Variants in PAPPA2 observed in about 807,000 individuals in gnomAD.
PAPPA2 encodes pappalysin-2.
A neutral mutation model predicts 176.4 loss-of-function variants in PAPPA2; 86 were observed. The ratio of observed to expected loss-of-function variants is 0.49; its 90% CI spans 0.41 to 0.58. PAPPA2 has a LOEUF of 0.58. Among genes scored for constraint, PAPPA2 ranks in the 20% least tolerant of loss-of-function variants. The pLI is 0.00. For missense variants in PAPPA2, 2,073 were observed against 2,256.9 expected (o/e 0.92, Z 1.65); for synonymous variants, 809 against 852.2 (o/e 0.95, Z 0.88).
chr1:176,794,789 G>A (rs1665352456), intron 20 of PAPPA2, among the ~76,000 whole-genome samples: 1 of 55,506 alleles, frequency 1.8e-5, no homozygotes, highest in Non-Finnish European at 3.6e-5. Flanking sequence ...CATGCTGGAT[G>A]TGAGAGATGT....
chr1:176,787,920 T>C (rs59627094), intron 17 of PAPPA2, among the ~76,000 whole-genome samples: 62,747 of 151,614 alleles, frequency 0.41, 14,371 homozygotes, highest in African/African-American at 0.6. Context: ...ATTAGCCAGG[T>C]GTGGTGGCAC....
At chr1:176,816,431 A>G (rs1666408790) in intron 21 of PAPPA2, among the ~76,000 whole-genome samples, 1 of 150,794 alleles carries the variant, frequency 6.6e-6, no homozygotes, top group Admixed American at 6.6e-5. Context: ...TTTTGCCTTT[A>G]GAGGTACCAG....
At chr1:176,802,353 A>T (rs1418365955) in intron 21 of PAPPA2, among the ~76,000 whole-genome samples, 1 of 152,212 alleles carries the variant, frequency 6.6e-6, no homozygotes, top group Non-Finnish European at 1.5e-5. Flanking sequence ...GTAATAAAAA[A>T]TGCAAAGAGG....
chr1:176,735,851 T>C (rs1251123384), intron 12 of PAPPA2, among the ~76,000 whole-genome samples: 2 of 152,078 alleles, frequency 1.3e-5, no homozygotes, highest in African/African-American at 4.8e-5. Flanking sequence ...GCAATCCCTC[T>C]ATCATGATAC....
At chr1:176,656,358 T>G (rs528313410) in intron 3 of PAPPA2, among the ~76,000 whole-genome samples, 16 of 151,906 alleles carry the variant, frequency 1.1e-4, no homozygotes, top group Non-Finnish European at 2.1e-4. Context: ...CTGCTGCCAC[T>G]GGTAGGCAGC....
At chr1:176,587,221 T>C (rs1653371671) in intron 2 of PAPPA2, among the ~76,000 whole-genome samples, 1 of 152,158 alleles carries the variant, frequency 6.6e-6, no homozygotes. Flanking sequence ...TGCAAAAATT[T>C]TCAACCATTT....
intron 1 of PAPPA2, among the ~76,000 whole-genome samples, chr1:176,532,037 G>A (rs894562967): frequency 1.3e-5 from 2 of 152,134 alleles, no homozygotes; most frequent in African/African-American, 4.8e-5. Flanking sequence ...CTCTCACTCC[G>A]AGGTTTTTCA....
At chr1:176,838,419 T>C (rs1039730107) in intron 21 of PAPPA2, among the ~76,000 whole-genome samples, 3 of 152,306 alleles carry the variant, frequency 2.0e-5, no homozygotes, top group Admixed American at 6.5e-5. Context: ...AGGAACTTAC[T>C]AGGTTTTGCC....
At chr1:176,717,414 C>T (rs1047427958) in intron 12 of PAPPA2, among the ~76,000 whole-genome samples, 3 of 152,206 alleles carry the variant, frequency 2.0e-5, no homozygotes, top group African/African-American at 7.2e-5. Context: ...CTCCTTGCCC[C>T]TTTTCCAGAA....
intron 12 of PAPPA2, among the ~76,000 whole-genome samples, chr1:176,733,653 C>G (rs1049762972): frequency 9.2e-5 from 14 of 152,124 alleles, no homozygotes; most frequent in African/African-American, 3.4e-4. Flanking sequence ...CCTTTCTTTG[C>G]TTATGCATTC....
intron 12 of PAPPA2, among the ~76,000 whole-genome samples, chr1:176,723,926 G>A (rs1278334927): frequency 6.6e-6 from 1 of 152,074 alleles, no homozygotes; most frequent in Admixed American, 6.6e-5. Flanking sequence ...TGTGAGTTTG[G>A]CAAGGTAGGT....
At chr1:176,741,406 A>C (rs1408053061) in intron 14 of PAPPA2, among the ~76,000 whole-genome samples, 4 of 152,186 alleles carry the variant, frequency 2.6e-5, no homozygotes, top group Admixed American at 1.3e-4. Flanking sequence ...GCCTCTCCGC[A>C]GCTATCTGAG....
intron 21 of PAPPA2, among the ~76,000 whole-genome samples, chr1:176,809,119 A>C (rs779086979): frequency 6.6e-6 from 1 of 152,202 alleles, no homozygotes; most frequent in Non-Finnish European, 1.5e-5. Context: ...ATATGGTTAC[A>C]CATTTGCTTC....
chr1:176,623,908 A>G (rs1214661538), intron 3 of PAPPA2, among the ~76,000 whole-genome samples: 3 of 150,478 alleles, frequency 2.0e-5, no homozygotes, highest in African/African-American at 7.4e-5. Flanking sequence ...TGGTGTGAAC[A>G]CAGCTCACTA....
intron 12 of PAPPA2, among the ~76,000 whole-genome samples, chr1:176,716,616 T>TG (rs1304982373): frequency 4.6e-4 from 67 of 144,986 alleles, no homozygotes; most frequent in African/African-American, 1.5e-3. Context: ...TTTTTTTTTT[T>TG]TTTTTTGTTT....
intron 2 of PAPPA2, among the ~76,000 whole-genome samples, chr1:176,564,365 T>C (rs942998853): frequency 6.6e-6 from 1 of 152,208 alleles, no homozygotes; most frequent in Non-Finnish European, 1.5e-5. Flanking sequence ...GCAGTCTCTG[T>C]TGCAAAAAAT....
chr1:176,600,289 A>G (rs1304673682), intron 3 of PAPPA2, among the ~76,000 whole-genome samples: 1 of 152,178 alleles, frequency 6.6e-6, no homozygotes, highest in East Asian at 1.9e-4. Flanking sequence ...TCATAGAGAT[A>G]TAGATCTTTG....
At chr1:176,635,742 C>A (rs12144032) in intron 3 of PAPPA2, among the ~76,000 whole-genome samples, 5 of 152,038 alleles carry the variant, frequency 3.3e-5, no homozygotes, top group African/African-American at 1.2e-4. Flanking sequence ...TACAAGCTGA[C>A]CTTTCCATGT....
chr1:176,776,293 C>G (rs777025221), intron 17 of PAPPA2, among the ~76,000 whole-genome samples: 6 of 152,142 alleles, frequency 3.9e-5, no homozygotes, highest in Non-Finnish European at 5.9e-5. Flanking sequence ...CTAAACGATT[C>G]AAACCTTCCA....
Sources: gnomAD v4.1 joint callset for allele counts (sites outside exome capture counted in the v4.1 genomes callset) on GRCh38, gnomAD v4.1.1 for gene constraint, MANE v1.5 for transcripts, NCBI Gene and HGNC (gene_info 2026-07-23, HGNC 2026-07-21) for gene names.